Variants in FRMD4A observed in about 807,000 individuals in gnomAD.
FRMD4A encodes FERM domain-containing protein 4A.
In FRMD4A, 29 loss-of-function variants were observed where a neutral mutation model predicts 129.1. That is an observed-to-expected ratio of 0.22 (90% CI 0.17 to 0.31). The LOEUF (loss-of-function observed/expected upper bound fraction) is 0.31, where lower values mean the gene tolerates loss of function less well. FRMD4A is among the 10% of genes least tolerant of loss of function. FRMD4A has a pLI of 1.00. For missense variants in FRMD4A, 1,272 were observed against 1,375.8 expected (o/e 0.92, Z 1.19); for synonymous variants, 634 against 571.6 (o/e 1.11, Z -1.56).
At chr10:13,706,458 G>C (rs901554465) in intron 13 of FRMD4A, among the ~76,000 whole-genome samples, 1 of 152,054 alleles carries the variant, frequency 6.6e-6, no homozygotes, top group Non-Finnish European at 1.5e-5. Context: ...GTGCTCTCTG[G>C]GGTACGATTT....
intron 12 of FRMD4A, among the ~76,000 whole-genome samples, chr10:13,709,328 T>C (rs1341995793): frequency 6.6e-6 from 1 of 152,128 alleles, no homozygotes; most frequent in Non-Finnish European, 1.5e-5. Flanking sequence ...TTTTCCCCTC[T>C]GTAAAATGGC....
In FRMD4A at chr10:13,770,599, G is replaced by A. The variant is rs187401239; in HGVS notation, c.385-7919C>T. 7.9e-5 allele frequency among the ~76,000 whole-genome samples: 12 copies of A among 151,978 alleles called. 1 individual carries two copies. The highest frequency in any genetic ancestry group is 4.2e-4 in the South Asian group (2 of 4,788). On this transcript the variant is annotated intron_variant, in intron 6 of 24. Coordinates refer to ENST00000357447, the MANE Select transcript of FRMD4A (RefSeq NM_018027.5). ...GCTGGGACCACAGGCACACACCACC[G>A]TGCTTAGCTAATTTTAGTTTTTTTG...
intron 2 of FRMD4A, among the ~76,000 whole-genome samples, chr10:13,931,056 A>G (rs1487855583): frequency 6.6e-6 from 1 of 152,138 alleles, no homozygotes; most frequent in African/African-American, 2.4e-5. Flanking sequence ...GCTGGTCTCA[A>G]ACTCCTAGCC....
In FRMD4A at chr10:13,840,561, G is replaced by A. The variant is rs546988664; in HGVS notation, c.111+18286C>T. ...CCCAGCACTTTGGGAGGCCAAGGTG[G>A]GTGGATCACTTGAGGTCAGGAGTTC... On this transcript the variant is annotated intron_variant, in intron 3 of 24. Transcript: ENST00000357447. Among the ~76,000 whole-genome samples, 3 of 137,656 alleles carry A rather than the reference G, an allele frequency of 2.2e-5. No individual in the cohort carries two copies. In the East Asian group the frequency reaches 6.5e-4, roughly 30 times the overall value. 90.3% of individuals were successfully genotyped at this position (137,656 alleles called of 152,430 possible). A position where few individuals can be genotyped will look rare whatever the true frequency, so the allele number is the denominator to read the frequency against.
intron 3 of FRMD4A, among the ~76,000 whole-genome samples, chr10:13,811,526 C>T (rs1211878186): frequency 2.7e-5 from 4 of 150,028 alleles, no homozygotes; most frequent in Admixed American, 6.6e-5. Context: ...GAGCCAAGAT[C>T]ACGCCACTGC....
intron 2 of FRMD4A, among the ~76,000 whole-genome samples, chr10:13,861,663 T>C (rs112356588): frequency 0.013 from 1,922 of 152,352 alleles, 15 homozygotes; most frequent in Non-Finnish European, 0.014. Flanking sequence ...GATGAGTCTA[T>C]GCAAAGTCCT....
At chr10:14,321,098 G>C (rs1188729253) in intron 2 of FRMD4A, among the ~76,000 whole-genome samples, 10 of 152,032 alleles carry the variant, frequency 6.6e-5, no homozygotes, top group Admixed American at 6.6e-4. Context: ...GAGAGTGTAA[G>C]CTTGATGACA....
At chr10:13,906,794 T>C (rs1406198305) in intron 2 of FRMD4A, among the ~76,000 whole-genome samples, 1 of 152,216 alleles carries the variant, frequency 6.6e-6, no homozygotes, top group Non-Finnish European at 1.5e-5. Flanking sequence ...TGTATGCTCC[T>C]TGCCGAGATG....
rs984116821 is a variant in FRMD4A at position 13,821,698 on chromosome 10, G to A, written c.112-10790C>T. On this transcript the variant is annotated intron_variant, in intron 3 of 24. Coordinates refer to ENST00000357447, the MANE Select transcript of FRMD4A (RefSeq NM_018027.5). The surrounding 1 kb of genome is among the most constrained non-coding windows in gnomAD (Gnocchi z 4.3). Reference sequence around the variant, plus strand: ...TGAGATACAGCCAGAGAAGCAACTCGCCAAATTCACACAGCGAATCAGTGG... The same window carrying A: ...TGAGATACAGCCAGAGAAGCAACTCACCAAATTCACACAGCGAATCAGTGG... Among the ~76,000 whole-genome samples the A allele has an allele frequency of 5.3e-5, 8 of 152,128 alleles. No individual in the cohort carries two copies. Among genetic ancestry groups the A allele is most frequent in the African/African-American group, 1.9e-4 (8 of 41,432 alleles).
intron 2 of FRMD4A, among the ~76,000 whole-genome samples, chr10:13,896,859 G>C (rs767484158): frequency 1.3e-5 from 2 of 152,186 alleles, no homozygotes; most frequent in Non-Finnish European, 2.9e-5. Flanking sequence ...ACAATGGTCT[G>C]TTCCCCGAAG....
At chr10:14,283,327 C>T (rs1011112677) in intron 2 of FRMD4A, among the ~76,000 whole-genome samples, 2 of 152,140 alleles carry the variant, frequency 1.3e-5, no homozygotes, top group Admixed American at 6.6e-5. Flanking sequence ...TAAGTAGCAG[C>T]GTTCAACTTG....
chr10:14,003,119 T>C (rs2095648622), intron 2 of FRMD4A, among the ~76,000 whole-genome samples: 1 of 151,804 alleles, frequency 6.6e-6, no homozygotes. Flanking sequence ...AGAGCGTGAA[T>C]TGAGGGGAGC....
chr10:13,803,535 G>T lies in FRMD4A; in HGVS notation c.207-6947C>A, dbSNP rs143736655. On this transcript the variant is annotated intron_variant, in intron 4 of 24. Transcript: ENST00000357447. ...TTTTTTTTTGTAAAGTAGAGGTTTT[G>T]CTGTGATGCCCAGGTTGGCCTCAAA... is the stretch of plus-strand genomic sequence containing the variant. Among the ~76,000 whole-genome samples the T allele has an allele frequency of 3.8e-3, 579 of 151,438 alleles. 3 individuals carry two copies. The highest frequency in any genetic ancestry group is 8.4e-3 in the Admixed American group (128 of 15,208).
intron 2 of FRMD4A, among the ~76,000 whole-genome samples, chr10:14,141,533 G>A (rs564650901): frequency 2.6e-5 from 4 of 152,006 alleles, no homozygotes; most frequent in African/African-American, 4.8e-5. Flanking sequence ...GAAACACACT[G>A]AGCACGTACA....
At chr10:13,841,329 T>C (rs894634643) in intron 3 of FRMD4A, among the ~76,000 whole-genome samples, 1 of 152,218 alleles carries the variant, frequency 6.6e-6, no homozygotes, top group Non-Finnish European at 1.5e-5. Context: ...TGGAATTTCC[T>C]GAGTAATAGG....
intron 6 of FRMD4A, among the ~76,000 whole-genome samples, chr10:13,773,707 T>G (rs934608238): frequency 5.3e-5 from 8 of 152,116 alleles, no homozygotes; most frequent in Non-Finnish European, 1.5e-5. Context: ...TGATGGTGGA[T>G]CATCTTCTTC....
At chr10:14,111,493 A>G (rs1837899183) in intron 2 of FRMD4A, among the ~76,000 whole-genome samples, 1 of 152,188 alleles carries the variant, frequency 6.6e-6, no homozygotes, top group Non-Finnish European at 1.5e-5. Context: ...CACCTTACAC[A>G]GTCCTCTACC....
At chr10:14,328,847 A>T (rs1210475341) in intron 2 of FRMD4A, among the ~76,000 whole-genome samples, 5 of 152,192 alleles carry the variant, frequency 3.3e-5, no homozygotes, top group Non-Finnish European at 7.3e-5. Flanking sequence ...ATCAGACGAT[A>T]GAATTAGTAA....
intron 2 of FRMD4A, among the ~76,000 whole-genome samples, chr10:14,311,323 A>G (rs1846539795): frequency 6.6e-6 from 1 of 152,166 alleles, no homozygotes; most frequent in African/African-American, 2.4e-5. Flanking sequence ...TGACCAATTT[A>G]GATAAATTCA....
Sources: allele counts gnomAD v4.1 joint callset (sites outside exome capture counted in the v4.1 genomes callset), GRCh38; gene constraint gnomAD v4.1.1; non-coding constraint Gnocchi (gnomAD v3.1); transcripts MANE v1.5; gene names NCBI Gene and HGNC (gene_info 2026-07-23, HGNC 2026-07-21).